Variants in ARHGAP10 observed in about 807,000 individuals in gnomAD.
The protein encoded by ARHGAP10 is Rho GTPase activating protein 10, also known as rho GTPase-activating protein 10.
Under a neutral mutation model 108.6 loss-of-function variants are expected in ARHGAP10, and 87 were observed. The ratio of observed to expected loss-of-function variants is 0.80; its 90% confidence interval spans 0.67 to 0.96. The LOEUF (loss-of-function observed/expected upper bound fraction) is 0.96. ARHGAP10 is among the 40% of genes least tolerant of loss of function. The probability of loss-of-function intolerance (pLI) is 0.00; values close to 1 mark genes in which losing one functional copy is unlikely to be tolerated. For missense variants in ARHGAP10, 939 were observed against 954.5 expected (o/e 0.98, Z 0.21); for synonymous variants, 347 against 341.1 (o/e 1.02, Z -0.19).
At chr4:147,872,594 A>C (rs1734876835) in intron 7 of ARHGAP10, among the ~76,000 whole-genome samples, 1 of 152,224 alleles carries the variant, frequency 6.6e-6, no homozygotes, top group Non-Finnish European at 1.5e-5. Flanking sequence ...CTAATCGCCT[A>C]CTGTTGATCA....
At chr4:147,798,967 T>G (rs1004383470) in intron 1 of ARHGAP10, among the ~76,000 whole-genome samples, 7 of 151,760 alleles carry the variant, frequency 4.6e-5, no homozygotes, top group Non-Finnish European at 2.9e-5. Context: ...TTCTTTGTCT[T>G]TAGTTTTCAG....
At chr4:147,852,037 G>A (rs1733894321) in intron 4 of ARHGAP10, among the ~76,000 whole-genome samples, 1 of 152,220 alleles carries the variant, frequency 6.6e-6, no homozygotes, top group Admixed American at 6.5e-5. Context: ...AGGTTATTGT[G>A]AGAGTTGAGT....
chr4:147,912,552 T>A (rs28754310), intron 12 of ARHGAP10, among the ~76,000 whole-genome samples: 4 of 220 alleles, frequency 0.018, no homozygotes, highest in South Asian at 0.083. Flanking sequence ...CAAACAAATA[T>A]ATATATATAT....
At chr4:147,919,704 G>C (rs1308991797) in intron 13 of ARHGAP10, among the ~76,000 whole-genome samples, 1 of 152,052 alleles carries the variant, frequency 6.6e-6, no homozygotes, top group Non-Finnish European at 1.5e-5. Flanking sequence ...TCAGCCTCCT[G>C]AGTAGCTGGG....
intron 3 of ARHGAP10, among the ~76,000 whole-genome samples, chr4:147,844,584 C>T (rs1222064857): frequency 6.6e-6 from 1 of 152,188 alleles, no homozygotes; most frequent in Admixed American, 6.5e-5. Flanking sequence ...ACATGTGATG[C>T]TTGTCTGTCT....
Position 147,732,127 on chromosome 4 carries a change from C to T in ARHGAP10, c.-175C>T, listed in dbSNP as rs1728233510. On this transcript the variant is annotated 5_prime_UTR_variant, in exon 1 of 23. Transcript: ENST00000336498. ...AGCGCTGGTCTCGGTGGCAGCTCCT[C>T]CGCGCCGCAGGACTCGGCTCTACGG... The T allele has an allele frequency of 6.6e-6, 3 of 457,224 alleles. No individual in the cohort carries two copies. Among genetic ancestry groups the T allele is most frequent in the Non-Finnish European group, 1.0e-5 (3 of 291,440 alleles). The allele number at this position is 457,224 out of a possible 1,614,324, so 28.3% of individuals were successfully genotyped here. A position where few individuals can be genotyped will look rare whatever the true frequency, so the allele number is the denominator to read the frequency against.
Position 147,847,188 on chromosome 4 carries a change from A to T in ARHGAP10, c.350A>T (p.Glu117Val). 2 of 1,613,500 alleles carry T rather than the reference A, an allele frequency of 1.2e-6. No individual in the cohort carries two copies. Among genetic ancestry groups the T allele is most frequent in the Non-Finnish European group, 1.7e-6 (2 of 1,179,526 alleles). Residue 117 changes from glutamate (E) to valine (V), a missense_variant, in exon 4 of 23, where the codon GAA (glutamate) becomes GTA (valine). By Grantham distance (121) the Glu-to-Val change is moderately radical. Coordinates refer to ENST00000336498, the MANE Select transcript of ARHGAP10 (RefSeq NM_024605.4). ...SVTETLIKPL[E>V]KFRKEQLGAV... ...ACTGAAACCCTGATTAAACCCTTGG[A>T]AAAATTCAGAAAAGAGCAACTTGGA... is the stretch of plus-strand genomic sequence containing the variant.
chr4:148,038,771 G>C (rs1728492423), intron 19 of ARHGAP10, among the ~76,000 whole-genome samples: 1 of 152,178 alleles, frequency 6.6e-6, no homozygotes, highest in Non-Finnish European at 1.5e-5. Context: ...ATGTTAATTG[G>C]AGCAGTTGTG....
Position 148,015,553 on chromosome 4 carries a change from C to T in ARHGAP10, c.1717-7710C>T, listed in dbSNP as rs570931629. ...CTGGTATTTTACTGTCAGACCCTGT[C>T]GTCAATTCTAGTTAAATTTTCTAGA... On this transcript the variant is annotated intron_variant, in intron 18 of 22. Coordinates refer to ENST00000336498, the MANE Select transcript of ARHGAP10 (RefSeq NM_024605.4). Among the ~76,000 whole-genome samples, 8 of 152,298 alleles carry T rather than the reference C, an allele frequency of 5.3e-5. No homozygotes were observed. The South Asian group carries it at 1.5e-3, about 28-fold the overall frequency.
At chr4:147,976,401 T>A (rs919422164) in intron 18 of ARHGAP10, among the ~76,000 whole-genome samples, 8 of 152,236 alleles carry the variant, frequency 5.3e-5, no homozygotes, top group Non-Finnish European at 1.2e-4. Flanking sequence ...TGTGTCTGCC[T>A]GAGTATTGAC....
rs533094226 is a variant in ARHGAP10 at position 147,999,165 on chromosome 4, C to T, written c.1717-24098C>T. On this transcript the variant is annotated intron_variant, in intron 18 of 22. Coordinates refer to ENST00000336498, the MANE Select transcript of ARHGAP10 (RefSeq NM_024605.4). ...TGTAAACACGGGGCTTGCAACTTAG[C>T]TCACACCTGACCAATCAGGTAGTAA... Among the ~76,000 whole-genome samples, 6 of 152,292 alleles carry T rather than the reference C, an allele frequency of 3.9e-5. No individual in the cohort carries two copies. In the South Asian group the frequency reaches 1.0e-3, roughly 26 times the overall value.
At chr4:148,065,817 A>T (rs1290238044) in intron 22 of ARHGAP10, among the ~76,000 whole-genome samples, 1 of 152,160 alleles carries the variant, frequency 6.6e-6, no homozygotes, top group African/African-American at 2.4e-5. Flanking sequence ...GGCTGCAGGT[A>T]ACAAAAATTG....
chr4:148,016,375 C>T (rs147116007), intron 18 of ARHGAP10, among the ~76,000 whole-genome samples: 18 of 151,998 alleles, frequency 1.2e-4, no homozygotes, highest in African/African-American at 3.9e-4. Context: ...TGGTGGCACG[C>T]GCCTAAAGTC....
At chr4:147,793,583 CAGAGT>C (rs1287253556) in intron 1 of ARHGAP10, among the ~76,000 whole-genome samples, 1 of 152,132 alleles carries the variant, frequency 6.6e-6, no homozygotes, top group East Asian at 1.9e-4. Context: ...AGCCTGGACT[CAGAGT>C]AGGGAATAAA....
intron 1 of ARHGAP10, among the ~76,000 whole-genome samples, chr4:147,779,946 C>G (rs138079137): frequency 2.6e-5 from 4 of 152,092 alleles, no homozygotes; most frequent in Non-Finnish European, 1.5e-5. Context: ...TAGTCTTGCC[C>G]GAGTATGAGT....
intron 18 of ARHGAP10, among the ~76,000 whole-genome samples, chr4:148,020,963 A>G (rs1206877187): frequency 6.6e-6 from 1 of 152,204 alleles, no homozygotes; most frequent in Non-Finnish European, 1.5e-5. Context: ...TAAGTGTAAA[A>G]TAGCTGTAGA....
At chr4:148,040,902 A>T (rs1228666341) in intron 19 of ARHGAP10, among the ~76,000 whole-genome samples, 1 of 152,166 alleles carries the variant, frequency 6.6e-6, no homozygotes, top group Non-Finnish European at 1.5e-5. Context: ...AATGAACTTT[A>T]TCACAAGAGT....
At chr4:147,827,768 A>G (rs920698059) in intron 3 of ARHGAP10, among the ~76,000 whole-genome samples, 1 of 152,172 alleles carries the variant, frequency 6.6e-6, no homozygotes, top group Non-Finnish European at 1.5e-5. Context: ...GAAATAGTCT[A>G]AAATTGGTTC....
At chr4:148,003,119 T>C (rs1397581940) in intron 18 of ARHGAP10, among the ~76,000 whole-genome samples, 2 of 152,238 alleles carry the variant, frequency 1.3e-5, no homozygotes, top group African/African-American at 2.4e-5. Flanking sequence ...GCTGTGTCGT[T>C]GTTCTCATTG....
Sources: allele counts gnomAD v4.1 joint callset (sites outside exome capture counted in the v4.1 genomes callset), GRCh38; gene constraint gnomAD v4.1.1; transcripts MANE v1.5; gene names NCBI Gene and HGNC (gene_info 2026-07-23, HGNC 2026-07-21).